The following CLIP1 variants were observed in gnomAD, a reference collection of about 807,000 sequenced individuals.
CLIP1 encodes CAP-Gly domain-containing linker protein 1.
Under a neutral mutation model 161.6 loss-of-function variants are expected in CLIP1, and 66 were observed. The ratio of observed to expected loss-of-function variants is 0.41; its 90% CI spans 0.33 to 0.50. The LOEUF is 0.50. Ranked by LOEUF, CLIP1 falls within the 20% of genes least tolerant of loss-of-function variation. The pLI, the probability that CLIP1 is intolerant of heterozygous loss-of-function variation, is 0.27. For synonymous variants in CLIP1, 598 were observed against 626.2 expected (o/e 0.96, Z 0.67); for missense variants, 1,376 against 1,702.0 (o/e 0.81, Z 3.37).
At chr12:122,357,814 G>T (rs571385280) in intron 5 of CLIP1, among the ~76,000 whole-genome samples, 1 of 142,188 alleles carries the variant, frequency 7.0e-6, no homozygotes, top group Non-Finnish European at 1.5e-5. Context: ...GGAGGGAGGT[G>T]GGGGGGGTCA....
chr12:122,422,286 C>G (rs1028683234), intron 1 of CLIP1, among the ~76,000 whole-genome samples: 2 of 151,770 alleles, frequency 1.3e-5, no homozygotes, highest in Admixed American at 6.6e-5. Context: ...CTGACAGGGC[C>G]GCCACTTTTC....
intron 3 of CLIP1, 119 bp downstream of exon 3, chr12:122,377,270 A>C: frequency 1.1e-6 from 1 of 880,454 alleles, no homozygotes; most frequent in Admixed American, 2.5e-5. Context: ...AGCCTCCCAA[A>C]GTGCTGGGAT....
At chr12:122,328,590 G>A (rs1051684181) in intron 15 of CLIP1, among the ~76,000 whole-genome samples, 164 bp from the exon 16 acceptor site, 6 of 151,830 alleles carry the variant, frequency 4.0e-5, no homozygotes, top group East Asian at 1.9e-4. Flanking sequence ...GTTTTGTTTT[G>A]TTTTGTTTTG....
chr12:122,401,857 T>C (rs1378989951), intron 1 of CLIP1, among the ~76,000 whole-genome samples: 1 of 148,718 alleles, frequency 6.7e-6, no homozygotes, highest in Admixed American at 6.7e-5. Context: ...ATTATCCAGG[T>C]GTGGTAGCAC....
chr12:122,288,412 A>C, intron 21 of CLIP1, 77 bp downstream of exon 21: 1 of 1,278,028 alleles, frequency 7.8e-7, no homozygotes, highest in East Asian at 2.4e-5. Context: ...CTTGTTTTCT[A>C]CTATAAGTTA....
In CLIP1 at chr12:122,279,978, G is replaced by C. The variant is rs1955579546; in HGVS notation, c.3648-833C>G. The C allele has an allele frequency of 1.3e-5, 2 of 152,450 alleles. No homozygotes were observed. The highest frequency in any genetic ancestry group is 2.9e-5 in the Non-Finnish European group (2 of 68,252). 9.4% of individuals were successfully genotyped at this position (152,450 alleles called of 1,614,324 possible). The stretch of plus-strand genomic sequence containing the variant: ...GGAGTGAGAAGAGAAAGGGAAAGAC[G>C]AAGGAGGAACAGGGAGGAACGCAGG... On this transcript the variant is annotated intron_variant, in intron 21 of 25. Coordinates refer to ENST00000620786, the MANE Select transcript of CLIP1 (RefSeq NM_001247997.2). This position sits in a 1 kb window ranked among gnomAD's most constrained non-coding sequence, Gnocchi z 4.5.
Position 122,311,122 on chromosome 12 carries a change from A to G in CLIP1, c.3474-1240T>C, listed in dbSNP as rs544036391. Among the ~76,000 whole-genome samples the G allele has an allele frequency of 6.6e-6, 1 of 152,336 alleles. No individual in the cohort carries two copies. Among genetic ancestry groups the G allele is most frequent in the South Asian group, 2.1e-4 (1 of 4,826 alleles). On this transcript the variant is annotated intron_variant, in intron 19 of 25. Transcript: ENST00000620786. The surrounding 1 kb of genome is among the most constrained non-coding windows in gnomAD (Gnocchi z 4.3). ...TCTATATATGTATATATGTATATAC[A>G]TGCACATACACACATATCACAGTGA... is the stretch of plus-strand genomic sequence containing the variant.
At chr12:122,348,762 C>G (rs116118620) in intron 9 of CLIP1, among the ~76,000 whole-genome samples, 43 of 152,154 alleles carry the variant, frequency 2.8e-4, no homozygotes, top group African/African-American at 9.2e-4. Flanking sequence ...CTTTGTGGTA[C>G]TAATTGACCT....
chr12:122,309,242 C>T (rs1471523936), intron 20 of CLIP1, among the ~76,000 whole-genome samples: 2 of 152,100 alleles, frequency 1.3e-5, no homozygotes, highest in East Asian at 3.8e-4. Flanking sequence ...TCTATATTTA[C>T]CAATGCACAC....
chr12:122,350,564 G>A (rs1952982440), intron 9 of CLIP1, among the ~76,000 whole-genome samples: 1 of 152,078 alleles, frequency 6.6e-6, no homozygotes, highest in East Asian at 1.9e-4. Context: ...ACAAACAGAA[G>A]TTTAAATGTC....
chr12:122,328,118 T>C lies in CLIP1; in HGVS notation c.3078A>G (p.Lys1026=). The C allele has an allele frequency of 6.2e-7, 1 of 1,614,190 alleles. No homozygotes were observed. The highest frequency in any genetic ancestry group is 8.5e-7 in the Non-Finnish European group (1 of 1,180,030). The change falls in exon 17 of 26, where the codon AAA becomes AAG. Residue 1026 remains lysine (K), a synonymous_variant. Coordinates refer to ENST00000620786, the MANE Select transcript of CLIP1 (RefSeq NM_001247997.2). ...ETSHNQCQEL[K]ARYERATSET... is the part of the protein sequence containing the mutation. ...CAGAAGTGGCTCTCTCATACCTGGC[T>C]TTCAGCTCCTGACACTGGTTGTGGC...
At chr12:122,354,598 C>T (rs748868445) in intron 6 of CLIP1, 42 bp from the exon 7 acceptor site, 10 of 1,494,978 alleles carry the variant, frequency 6.7e-6, no homozygotes, top group Non-Finnish European at 9.3e-6. Flanking sequence ...TATTTCTGAC[C>T]CAGATACAGA....
At chr12:122,284,437 C>T (rs1955770321) in intron 21 of CLIP1, among the ~76,000 whole-genome samples, 1 of 152,010 alleles carries the variant, frequency 6.6e-6, no homozygotes, top group African/African-American at 2.4e-5. Context: ...ACTGCAACCT[C>T]TGCATCCCGG....
chr12:122,319,295 C>T lies in CLIP1; in HGVS notation c.3303G>A (p.Glu1101=). The change falls in exon 18 of 26, where the codon GAG becomes GAA. Residue 1101 remains glutamate (E), a synonymous_variant. Transcript: ENST00000620786. ...CCAAGGAGGCCAGAGTCTCAGTCTT[C>T]TCTTTGGTCATCTGTTCCATTATCT... ...AMQIMEQMTK[E]KTETLASLED... 1 of 1,614,182 alleles carries T rather than the reference C, an allele frequency of 6.2e-7. No homozygotes were observed. The highest frequency in any genetic ancestry group is 8.5e-7 in the Non-Finnish European group (1 of 1,179,988).
chr12:122,287,813 T>C (rs1210538459), intron 21 of CLIP1, among the ~76,000 whole-genome samples: 7 of 152,300 alleles, frequency 4.6e-5, no homozygotes, highest in African/African-American at 1.7e-4. Flanking sequence ...TACCCATTAT[T>C]AGTGAACATT....
Position 122,354,558 on chromosome 12 carries a change from T to C in CLIP1, c.1204-2A>G. On this transcript the variant is annotated splice_acceptor_variant, in intron 6 of 25. Transcript: ENST00000620786. LOFTEE classifies it high-confidence loss of function. ...TTTGGCTTCCAATTCCAGGACATGC[T>C]GGGGAAGGCAAGAATGTCGGTAAAT... 1 of 1,612,128 alleles carries C rather than the reference T, an allele frequency of 6.2e-7. No homozygotes were observed. Among genetic ancestry groups the C allele is most frequent in the Non-Finnish European group, 8.5e-7 (1 of 1,178,330 alleles).
chr12:122,355,244 C>T lies in CLIP1; in HGVS notation c.1074G>A (p.Lys358=). ...GCTGCTCAATGTGCTGCTGCTTCTC[C>T]TTCAGGGCCTCCTGGAGGGCAGTGG... ...SGTTALQEAL[K]EKQQHIEQLL... Residue 358 remains lysine, a synonymous_variant, in exon 6 of 26, where the codon AAG becomes AAA. Transcript: ENST00000620786. The surrounding 1 kb of genome is among the most constrained non-coding windows in gnomAD (Gnocchi z 4.1). 6.2e-7 allele frequency: 1 copy of T among 1,614,256 alleles called. No homozygotes were observed. The highest frequency in any genetic ancestry group is 8.5e-7 in the Non-Finnish European group (1 of 1,180,052).
chr12:122,275,994 AT>A (rs1247297775), intron 24 of CLIP1, among the ~76,000 whole-genome samples: 1 of 152,182 alleles, frequency 6.6e-6, no homozygotes, highest in East Asian at 1.9e-4. Flanking sequence ...TATCCTGAAC[AT>A]TTCCTTTCAA....
intron 1 of CLIP1, among the ~76,000 whole-genome samples, chr12:122,413,097 G>A (rs776022962): frequency 6.6e-6 from 1 of 152,052 alleles, no homozygotes; most frequent in Non-Finnish European, 1.5e-5. Flanking sequence ...GGTCTAGAAA[G>A]GAAAAGTCTA....
Sources: gnomAD v4.1 joint callset for allele counts (sites outside exome capture counted in the v4.1 genomes callset) on GRCh38, gnomAD v4.1.1 for gene constraint, Gnocchi (gnomAD v3.1) non-coding constraint, MANE v1.5 for transcripts, NCBI Gene and HGNC (gene_info 2026-07-23, HGNC 2026-07-21) for gene names.